The following UBASH3B variants were observed in gnomAD, a reference collection of about 807,000 sequenced individuals.
UBASH3B encodes ubiquitin-associated and SH3 domain-containing protein B.
UBASH3B carries 37 observed loss-of-function variants against 83.4 expected under a neutral mutation model. That is an observed-to-expected ratio of 0.44 (90% confidence interval 0.34 to 0.58). The LOEUF (loss-of-function observed/expected upper bound fraction) is 0.58, where lower values mean the gene tolerates loss of function less well. Among genes scored for constraint, UBASH3B ranks in the 20% least tolerant of loss-of-function variants. The pLI, the probability that UBASH3B is intolerant of heterozygous loss-of-function variation, is 0.01. For synonymous variants in UBASH3B, 304 were observed against 318.3 expected, an observed-to-expected ratio of 0.96 and a Z score of 0.48; for missense variants, 657 against 827.2, an observed-to-expected ratio of 0.79 and a Z score of 2.52.
Position 122,737,848 on chromosome 11 carries a change from T to C in UBASH3B, c.162-38371T>C, listed in dbSNP as rs75573891. 6.0e-3 allele frequency among the ~76,000 whole-genome samples: 921 copies of C among 152,232 alleles called. 5 individuals carry two copies. The highest frequency in any genetic ancestry group is 0.02 in the African/African-American group (849 of 41,542). ...GGGACCTGGAGACTAAGGGCATCCT[T>C]AGCATGTAGAAGCTGGAGGTATGGC... is the stretch of plus-strand genomic sequence containing the variant. On this transcript the variant is annotated intron_variant, in intron 1 of 13. Coordinates refer to ENST00000284273, the MANE Select transcript of UBASH3B (RefSeq NM_032873.5).
intron 1 of UBASH3B, among the ~76,000 whole-genome samples, chr11:122,660,976 C>G (rs923897169): frequency 1.3e-5 from 2 of 152,092 alleles, no homozygotes; most frequent in Non-Finnish European, 2.9e-5. Flanking sequence ...CGTGGCAAGA[C>G]CTGTCATGTG....
intron 1 of UBASH3B, among the ~76,000 whole-genome samples, chr11:122,685,568 G>A (rs911975796): frequency 1.3e-5 from 2 of 152,144 alleles, no homozygotes; most frequent in Non-Finnish European, 2.9e-5. Context: ...CCAAGCTGAA[G>A]TGCAGTGGTG....
intron 1 of UBASH3B, among the ~76,000 whole-genome samples, chr11:122,672,093 C>A (rs888629781): frequency 7.2e-5 from 11 of 151,866 alleles, no homozygotes; most frequent in South Asian, 2.1e-4. Flanking sequence ...TCCTGTTAGT[C>A]CAACAAAAGT....
At chr11:122,764,340 C>T (rs764553775) in intron 1 of UBASH3B, among the ~76,000 whole-genome samples, 1 of 152,244 alleles carries the variant, frequency 6.6e-6, no homozygotes, top group Non-Finnish European at 1.5e-5. Flanking sequence ...GATGTCACAT[C>T]TTTCTCGATC....
intron 1 of UBASH3B, among the ~76,000 whole-genome samples, chr11:122,762,947 T>C (rs974044976): frequency 2.0e-5 from 3 of 152,268 alleles, no homozygotes; most frequent in Admixed American, 2.0e-4. Context: ...GTACCTAATA[T>C]ATGCCAAACA....
At chr11:122,692,739 A>G (rs56358824) in intron 1 of UBASH3B, among the ~76,000 whole-genome samples, 11,044 of 152,308 alleles carry the variant, frequency 0.073, 425 homozygotes, top group African/African-American at 0.099. Flanking sequence ...CATTCCACAC[A>G]TATCTATGGA....
rs386375116 is a variant in UBASH3B, at chr11:122,712,896, G to GTTTTTTTTTTTTTTTTTT, written c.161+56699_161+56716dup. On this transcript the variant is annotated intron_variant, in intron 1 of 13. Coordinates refer to ENST00000284273, the MANE Select transcript of UBASH3B (RefSeq NM_032873.5). The stretch of plus-strand genomic sequence containing the variant: ...GACATTCATCTTTCTTCTCTGGGTG[G>GTTTTTTTTTTTTTTTTTT]TTTTTTTTTTTTTTTTTTTTTTTTT... 9.3e-5 allele frequency among the ~76,000 whole-genome samples: 6 copies of GTTTTTTTTTTTTTTTTTT among 64,496 alleles called. 1 individual carries two copies. Among genetic ancestry groups the GTTTTTTTTTTTTTTTTTT allele is most frequent in the East Asian group, 1.4e-3 (2 of 1,448 alleles). 42.3% of individuals were successfully genotyped at this position (64,496 alleles called of 152,430 possible).
chr11:122,733,549 CT>C (rs759431084), intron 1 of UBASH3B, among the ~76,000 whole-genome samples: 2 of 152,198 alleles, frequency 1.3e-5, no homozygotes, highest in Non-Finnish European at 2.9e-5. Flanking sequence ...ACATGTTTAG[CT>C]TTTGTTTCTT....
chr11:122,793,414 G>A (rs1008611104), intron 6 of UBASH3B, among the ~76,000 whole-genome samples: 1 of 152,130 alleles, frequency 6.6e-6, no homozygotes, highest in African/African-American at 2.4e-5. Context: ...ATAATACAAT[G>A]TTAAAAGTGA....
chr11:122,671,038 T>TAA (rs150632640), intron 1 of UBASH3B, among the ~76,000 whole-genome samples: 2,117 of 152,094 alleles, frequency 0.014, 49 homozygotes, highest in African/African-American at 0.049. Flanking sequence ...GCTGGGATTA[T>TAA]AAGCGTGAGC....
chr11:122,749,061 GC>G (rs1349312037), intron 1 of UBASH3B, among the ~76,000 whole-genome samples: 1 of 152,220 alleles, frequency 6.6e-6, no homozygotes, highest in Non-Finnish European at 1.5e-5. Context: ...CACACTGTGT[GC>G]CCCATACTAC....
intron 6 of UBASH3B, among the ~76,000 whole-genome samples, chr11:122,792,074 A>C (rs545212960): frequency 6.6e-6 from 1 of 152,298 alleles, no homozygotes; most frequent in Admixed American, 6.5e-5. Flanking sequence ...TGGCAGCTCC[A>C]CGCTGTCTCA....
intron 1 of UBASH3B, among the ~76,000 whole-genome samples, chr11:122,659,395 A>G (rs993022328): frequency 1.3e-5 from 2 of 152,038 alleles, no homozygotes; most frequent in African/African-American, 4.8e-5. Flanking sequence ...CTCTGCCTGG[A>G]AGGGAGTGAA....
At chr11:122,686,865 AT>A (rs35718008) in intron 1 of UBASH3B, among the ~76,000 whole-genome samples, 7,373 of 146,864 alleles carry the variant, frequency 0.05, 181 homozygotes, top group South Asian at 0.057. Context: ...AAATGAAGGT[AT>A]TTTTTTTTTT....
At chr11:122,747,307 C>T (rs1861133893) in intron 1 of UBASH3B, among the ~76,000 whole-genome samples, 1 of 152,172 alleles carries the variant, frequency 6.6e-6, no homozygotes, top group South Asian at 2.1e-4. Context: ...AGCTTATGCA[C>T]TGAGAACAGA....
chr11:122,794,988 C>T (rs543035889), intron 7 of UBASH3B, among the ~76,000 whole-genome samples, 154 bp downstream of exon 7: 1 of 152,214 alleles, frequency 6.6e-6, no homozygotes, highest in African/African-American at 2.4e-5. Context: ...TACAAAAATT[C>T]AAGGCTAGGA....
intron 1 of UBASH3B, among the ~76,000 whole-genome samples, chr11:122,675,268 T>G (rs1056251254): frequency 9.9e-5 from 15 of 152,260 alleles, no homozygotes; most frequent in African/African-American, 3.6e-4. Flanking sequence ...TAAGCATTAC[T>G]GGCAATGCAG....
At chr11:122,770,358 A>G (rs754764468) in intron 1 of UBASH3B, among the ~76,000 whole-genome samples, 10 of 152,144 alleles carry the variant, frequency 6.6e-5, no homozygotes, top group Admixed American at 6.5e-5. Flanking sequence ...ATCAAATGGC[A>G]CTAAAATAGG....
Position 122,812,556 on chromosome 11 carries a change from G to A in UBASH3B, c.*2670G>A, listed in dbSNP as rs1357829956. 3 of 152,228 alleles carry A rather than the reference G, an allele frequency of 2.0e-5. No homozygotes were observed. The highest frequency in any genetic ancestry group is 4.8e-5 in the African/African-American group (2 of 41,466). 9.4% of individuals were successfully genotyped at this position (152,228 alleles called of 1,614,324 possible). Reference sequence around the variant, plus strand: ...AGGAAGGGCAAGGAAGGAATTGACAGATAAGAAGCAAATGGTTTCTTGTAC... The same window carrying A: ...AGGAAGGGCAAGGAAGGAATTGACAAATAAGAAGCAAATGGTTTCTTGTAC... On this transcript the variant is annotated 3_prime_UTR_variant, in exon 14 of 14. Transcript: ENST00000284273.
Sources: allele counts gnomAD v4.1 joint callset (sites outside exome capture counted in the v4.1 genomes callset), GRCh38; gene constraint gnomAD v4.1.1; transcripts MANE v1.5; gene names NCBI Gene and HGNC (gene_info 2026-07-23, HGNC 2026-07-21).